The following ITGA11 variants were observed in gnomAD, a reference collection of about 807,000 sequenced individuals.
The protein encoded by ITGA11 is integrin alpha-11.
Under a neutral mutation model 141.9 loss-of-function variants are expected in ITGA11, and 97 were observed. That is an observed-to-expected ratio of 0.68 (90% CI 0.58 to 0.81). The LOEUF is 0.81. ITGA11 is among the 30% of genes least tolerant of loss of function. ITGA11 has a pLI of 0.00. For synonymous variants in ITGA11, 658 were observed against 624.6 expected (o/e 1.05, Z -0.80); for missense variants, 1,387 against 1,559.2 (o/e 0.89, Z 1.86).
At chr15:68,428,869 AAAC>A (rs1897205477) in intron 1 of ITGA11, among the ~76,000 whole-genome samples, 1 of 152,114 alleles carries the variant, frequency 6.6e-6, no homozygotes, top group South Asian at 2.1e-4. Flanking sequence ...CAAACAAACA[AAAC>A]AACAACCCTG....
In ITGA11 at chr15:68,358,461, G is replaced by T. The variant is rs757597921; in HGVS notation, c.597C>A (p.Ile199=). Residue 199 remains isoleucine, a synonymous_variant, in exon 6 of 30, where the codon ATC becomes ATA. Transcript: ENST00000315757. ...AAAGAGCCCAAGAGATGCTCACCTG[G>T]ATCTGCCCTGGGCCAATGTAAAACT... ...LKKFYIGPGQ[I]QVGVVQYGED... 6.2e-7 allele frequency: 1 copy of T among 1,608,680 alleles called. No individual in the cohort carries two copies. Among genetic ancestry groups the T allele is most frequent in the South Asian group, 1.1e-5 (1 of 89,582 alleles).
At chr15:68,411,064 C>T (rs1236522728) in intron 1 of ITGA11, among the ~76,000 whole-genome samples, 1 of 152,218 alleles carries the variant, frequency 6.6e-6, no homozygotes, top group African/African-American at 2.4e-5. Flanking sequence ...GTGAGCATCC[C>T]ATGAGCAGCA....
At chr15:68,406,159 A>G (rs1172918504) in intron 1 of ITGA11, among the ~76,000 whole-genome samples, 1 of 152,124 alleles carries the variant, frequency 6.6e-6, no homozygotes, top group Non-Finnish European at 1.5e-5. Context: ...GTCCACCCCA[A>G]GCCCTCTATC....
chr15:68,350,900 G>T, intron 8 of ITGA11, 118 bp from the exon 9 acceptor site: 2 of 1,009,242 alleles, frequency 2.0e-6, no homozygotes, highest in Non-Finnish European at 2.9e-6. Flanking sequence ...CGGTAGCCAT[G>T]AGAGTTCCTC....
At chr15:68,426,588 G>C (rs1042897237) in intron 1 of ITGA11, among the ~76,000 whole-genome samples, 1 of 152,140 alleles carries the variant, frequency 6.6e-6, no homozygotes, top group African/African-American at 2.4e-5. Context: ...TGCCCCTGTG[G>C]GGGTAGCTGT....
At position 68,303,405 on chromosome 15, in the gene ITGA11, CAGG is replaced by C. The variant is rs776379604; in HGVS notation, c.3496-278_3496-276del. Among the ~76,000 whole-genome samples the C allele has an allele frequency of 3.9e-5, 6 of 152,188 alleles. No homozygotes were observed. The highest frequency in any genetic ancestry group is 7.3e-5 in the Non-Finnish European group (5 of 68,040). ...CTCTCTGGGCCTCCTTCATCTGTAA[CAGG>C]AGGAGGCTGAGACCAGGGGTTTGTA... On this transcript the variant is annotated intron_variant, in intron 29 of 29. Transcript: ENST00000315757. The surrounding 1 kb of genome is among the most constrained non-coding windows in gnomAD (Gnocchi z 5.3).
At chr15:68,320,441 A>C (rs1340648486) in intron 19 of ITGA11, 49 bp from the exon 20 acceptor site, 5 of 1,493,360 alleles carry the variant, frequency 3.3e-6, no homozygotes, top group African/African-American at 1.4e-5. Context: ...TGAGGAAAGC[A>C]GGGGTAGAGA....
At chr15:68,368,098 C>T (rs1895483637) in intron 3 of ITGA11, among the ~76,000 whole-genome samples, 1 of 152,208 alleles carries the variant, frequency 6.6e-6, no homozygotes, top group Non-Finnish European at 1.5e-5. Flanking sequence ...GTTCTTTGGG[C>T]TTTCTTTTGG....
intron 2 of ITGA11, among the ~76,000 whole-genome samples, chr15:68,375,902 A>G (rs1261268694): frequency 1.3e-5 from 2 of 152,146 alleles, no homozygotes; most frequent in Admixed American, 1.3e-4. Context: ...ACCCTTCCTA[A>G]TGTGGGTGGG....
intron 2 of ITGA11, among the ~76,000 whole-genome samples, chr15:68,385,188 G>A (rs980038324): frequency 6.6e-6 from 1 of 152,260 alleles, no homozygotes; most frequent in Admixed American, 6.5e-5. Flanking sequence ...CCATTGCTTG[G>A]AAAGTAGCCA....
At chr15:68,364,109 C>A (rs1238661861) in intron 4 of ITGA11, among the ~76,000 whole-genome samples, 1 of 152,200 alleles carries the variant, frequency 6.6e-6, no homozygotes, top group Non-Finnish European at 1.5e-5. Context: ...CCCAGACATG[C>A]CCTTTTCTTC....
intron 7 of ITGA11, among the ~76,000 whole-genome samples, chr15:68,353,215 A>G (rs1894968955): frequency 6.6e-6 from 1 of 152,264 alleles, no homozygotes; most frequent in African/African-American, 2.4e-5. Flanking sequence ...ATTAGTTTAG[A>G]ACATCTTCAA....
intron 1 of ITGA11, among the ~76,000 whole-genome samples, chr15:68,424,652 T>C (rs1014256824): frequency 3.9e-5 from 6 of 152,208 alleles, no homozygotes; most frequent in Non-Finnish European, 5.9e-5. Context: ...CAGAATGAGA[T>C]GCGAAGCCCA....
At chr15:68,385,103 G>A (rs1315844896) in intron 2 of ITGA11, among the ~76,000 whole-genome samples, 1 of 152,200 alleles carries the variant, frequency 6.6e-6, no homozygotes, top group Non-Finnish European at 1.5e-5. Flanking sequence ...GAACCCTTTG[G>A]GATTCACATC....
chr15:68,404,462 C>T (rs1275790699), intron 1 of ITGA11, among the ~76,000 whole-genome samples: 1 of 152,150 alleles, frequency 6.6e-6, no homozygotes, highest in African/African-American at 2.4e-5. Flanking sequence ...ATGCTTTACC[C>T]CTTTGGGCAA....
chr15:68,432,092 G>A lies in ITGA11; in HGVS notation c.-26C>T. On this transcript the variant is annotated 5_prime_UTR_variant, in exon 1 of 30. Transcript: ENST00000315757. ...GGCCCGCGGCACGGCGGCTGGGTCC[G>A]GTGTGCAGCGGCGGCGGGGGGCGGC... 2 of 1,361,280 alleles carry A rather than the reference G, an allele frequency of 1.5e-6. No homozygotes were observed. The highest frequency in any genetic ancestry group is 2.1e-5 in the South Asian group (1 of 48,274). 84.3% of individuals were successfully genotyped at this position (1,361,280 alleles called of 1,614,324 possible).
intron 10 of ITGA11, among the ~76,000 whole-genome samples, chr15:68,347,063 G>T (rs1012438589): frequency 3.3e-5 from 5 of 152,214 alleles, no homozygotes; most frequent in African/African-American, 9.7e-5. Context: ...CAGCACTTTA[G>T]TGGCACTTGA....
intron 2 of ITGA11, 85 bp downstream of exon 2, chr15:68,402,833 G>A (rs1896541578): frequency 5.6e-6 from 5 of 896,484 alleles, no homozygotes; most frequent in Non-Finnish European, 8.9e-6. Flanking sequence ...GGGCCAGTGG[G>A]GCAGCCACAG....
chr15:68,390,324 C>T (rs1031990405), intron 2 of ITGA11, among the ~76,000 whole-genome samples: 15 of 152,100 alleles, frequency 9.9e-5, no homozygotes, highest in South Asian at 4.1e-4. Flanking sequence ...AGGAGGCTTA[C>T]GGCTGGTAAA....
Sources: gnomAD v4.1 joint callset for allele counts (sites outside exome capture counted in the v4.1 genomes callset) on GRCh38, gnomAD v4.1.1 for gene constraint, Gnocchi (gnomAD v3.1) non-coding constraint, MANE v1.5 for transcripts, NCBI Gene and HGNC (gene_info 2026-07-23, HGNC 2026-07-21) for gene names.